Variants in CMIP observed in about 807,000 individuals in gnomAD.
CMIP encodes c-Maf inducing protein, also known as C-Maf-inducing protein.
Under a neutral mutation model 97.3 loss-of-function variants are expected in CMIP, and 13 were observed. The observed-to-expected ratio is 0.13, with a 90% confidence interval of 0.09 to 0.21. The LOEUF is 0.21. CMIP is among the 10% of genes least tolerant of loss of function. The pLI is 1.00. For missense variants in CMIP, 847 were observed against 1,024.9 expected (o/e 0.83, Z 2.37); for synonymous variants, 538 against 436.3 (o/e 1.23, Z -2.91).
At chr16:81,531,739 C>T (rs371981700) in intron 1 of CMIP, among the ~76,000 whole-genome samples, 2 of 152,182 alleles carry the variant, frequency 1.3e-5, no homozygotes, top group South Asian at 2.1e-4. Flanking sequence ...AAGAGGTCAA[C>T]CCGTGTGTCA....
chr16:81,648,433 C>T (rs560326359), intron 3 of CMIP, among the ~76,000 whole-genome samples: 127 of 152,178 alleles, frequency 8.3e-4, no homozygotes, highest in Non-Finnish European at 1.5e-3. Flanking sequence ...CCCTGCAGAG[C>T]GCATGCTTTT....
chr16:81,676,573 G>A (rs772670963), intron 9 of CMIP, among the ~76,000 whole-genome samples: 1 of 152,074 alleles, frequency 6.6e-6, no homozygotes, highest in Non-Finnish European at 1.5e-5. Context: ...GAGAATTTAG[G>A]TCTCCCCCCA....
Position 81,709,832 on chromosome 16 carries a change from A to G in CMIP, c.*33A>G, listed in dbSNP as rs752704663. On this transcript the variant is annotated 3_prime_UTR_variant, in exon 21 of 21. Coordinates refer to ENST00000537098, the MANE Select transcript of CMIP (RefSeq NM_198390.3). ...AGCTCAAGGCAGGAAGACGTTTGCA[A>G]CCGCGACAAAATAACTCTTGACTAA... is the stretch of plus-strand genomic sequence containing the variant. 6 of 1,599,468 alleles carry G rather than the reference A, an allele frequency of 3.8e-6. No individual in the cohort carries two copies. The Admixed American group carries it at 8.4e-5, about 22-fold the overall frequency.
In CMIP at chr16:81,534,138, T is replaced by C. The variant is rs151051281; in HGVS notation, c.301-73429T>C. Among the ~76,000 whole-genome samples, 6 of 152,310 alleles carry C rather than the reference T, an allele frequency of 3.9e-5. No homozygotes were observed. The East Asian group carries it at 7.7e-4, about 20-fold the overall frequency. On this transcript the variant is annotated intron_variant, in intron 1 of 20. Transcript: ENST00000537098. Reference sequence around the variant, plus strand: ...GCACCCGGGCAGCCTGTGGCCAGGCTGCGTTTCAAAGCCAGGACTTTCAGG... The same window carrying C: ...GCACCCGGGCAGCCTGTGGCCAGGCCGCGTTTCAAAGCCAGGACTTTCAGG...
chr16:81,510,808 C>T (rs975497058), intron 1 of CMIP, among the ~76,000 whole-genome samples: 14 of 152,154 alleles, frequency 9.2e-5, no homozygotes, highest in African/African-American at 3.1e-4. Context: ...CAACCTCCAC[C>T]TCCCAGGTTC....
Position 81,445,283 on chromosome 16 carries a change from G to A in CMIP, c.42G>A (p.Arg14=), listed in dbSNP as rs1270800124. 6.5e-7 allele frequency: 1 copy of A among 1,549,140 alleles called. No individual in the cohort carries two copies. Among genetic ancestry groups the A allele is most frequent in the African/African-American group, 1.4e-5 (1 of 73,012 alleles). Residue 14 remains arginine (R), a synonymous_variant, in exon 1 of 21, where the codon CGG becomes CGA. Transcript: ENST00000537098. Reference sequence around the variant, plus strand: ...GCTCGGGCGGCGGCGGCGACCCCCGGCAGATCGAGGAGACCAAGCCGCTGC... The same window carrying A: ...GCTCGGGCGGCGGCGGCGACCCCCGACAGATCGAGGAGACCAAGCCGCTGC... The part of the protein sequence containing the change: ...TSSSGGGGDP[R]QIEETKPLLG...
At chr16:81,509,202 G>A (rs1188258095) in intron 1 of CMIP, among the ~76,000 whole-genome samples, 1 of 152,216 alleles carries the variant, frequency 6.6e-6, no homozygotes, top group Non-Finnish European at 1.5e-5. Flanking sequence ...TGTGTCCTCA[G>A]CTGTCATTGC....
At chr16:81,543,143 G>A (rs761165426) in intron 1 of CMIP, among the ~76,000 whole-genome samples, 2 of 152,224 alleles carry the variant, frequency 1.3e-5, no homozygotes, top group East Asian at 3.9e-4. Flanking sequence ...ATGGCTTGCT[G>A]TGTGGCCTTG....
intron 2 of CMIP, chr16:81,619,186 T>C (rs937619043): frequency 6.6e-6 from 1 of 152,250 alleles, no homozygotes; most frequent in African/African-American, 2.4e-5. Flanking sequence ...CTGCCTGCTT[T>C]GCACTTGGGT....
intron 2 of CMIP, among the ~76,000 whole-genome samples, chr16:81,609,662 C>T (rs1464817817): frequency 6.6e-6 from 1 of 152,180 alleles, no homozygotes; most frequent in South Asian, 2.1e-4. Flanking sequence ...AAGCAGGCTC[C>T]CCAGACAGGG....
chr16:81,487,917 C>G (rs77521880), intron 1 of CMIP, among the ~76,000 whole-genome samples: 2,193 of 152,278 alleles, frequency 0.014, 51 homozygotes, highest in African/African-American at 0.051. Flanking sequence ...AGACGATCTT[C>G]GAATGCCTCT....
At chr16:81,615,050 GTGTC>G (rs1203783148) in intron 2 of CMIP, among the ~76,000 whole-genome samples, 3 of 150,320 alleles carry the variant, frequency 2.0e-5, no homozygotes, top group South Asian at 4.2e-4. Context: ...GTGTATCTGT[GTGTC>G]TGTGTGAGGT....
At chr16:81,566,191 G>T (rs1020668256) in intron 1 of CMIP, among the ~76,000 whole-genome samples, 1 of 152,240 alleles carries the variant, frequency 6.6e-6, no homozygotes. Flanking sequence ...GGGTGCGCCG[G>T]TGTGGCTGGA....
intron 1 of CMIP, among the ~76,000 whole-genome samples, chr16:81,585,228 G>A (rs1007600172): frequency 6.6e-6 from 1 of 152,198 alleles, no homozygotes; most frequent in African/African-American, 2.4e-5. Context: ...TGTAATCCCA[G>A]CTACTCAGGA....
At chr16:81,481,634 A>G (rs2089224867) in intron 1 of CMIP, among the ~76,000 whole-genome samples, 1 of 152,200 alleles carries the variant, frequency 6.6e-6, no homozygotes, top group African/African-American at 2.4e-5. Flanking sequence ...GCTATGACAA[A>G]TGACCACAGG....
chr16:81,572,959 T>A (rs185927051), intron 1 of CMIP, among the ~76,000 whole-genome samples: 1 of 152,292 alleles, frequency 6.6e-6, no homozygotes, highest in East Asian at 1.9e-4. Flanking sequence ...TATCAGCAAG[T>A]TTCACACTGA....
chr16:81,526,276 A>T (rs977935251), intron 1 of CMIP, among the ~76,000 whole-genome samples: 4 of 152,166 alleles, frequency 2.6e-5, no homozygotes, highest in Non-Finnish European at 4.4e-5. Context: ...GTGAACTTGG[A>T]TGTGGCATTT....
chr16:81,561,987 T>C (rs1464924843), intron 1 of CMIP, among the ~76,000 whole-genome samples: 1 of 152,030 alleles, frequency 6.6e-6, no homozygotes, highest in African/African-American at 2.4e-5. Context: ...GGCTGATAAA[T>C]ACCTCGGGCA....
intron 16 of CMIP, 41 bp from the exon 17 acceptor site, chr16:81,702,581 G>C: frequency 6.3e-7 from 1 of 1,598,870 alleles, no homozygotes; most frequent in Non-Finnish European, 8.6e-7. Flanking sequence ...ATGGAAACTT[G>C]GGGAAAAGAA....
Sources: gnomAD v4.1 joint callset for allele counts (sites outside exome capture counted in the v4.1 genomes callset) on GRCh38, gnomAD v4.1.1 for gene constraint, MANE v1.5 for transcripts, NCBI Gene and HGNC (gene_info 2026-07-23, HGNC 2026-07-21) for gene names.